Variants in MFSD1 observed in about 807,000 individuals in gnomAD.
MFSD1 encodes the protein major facilitator superfamily domain containing 1.
In MFSD1, 59 loss-of-function variants were observed where a neutral mutation model predicts 67.1. That is an observed-to-expected ratio of 0.88 (90% CI 0.71 to 1.09). The LOEUF is 1.09. Among genes scored for constraint, MFSD1 ranks in the 50% least tolerant of loss-of-function variants. The pLI, the probability that MFSD1 is intolerant of heterozygous loss-of-function variation, is 0.00. For synonymous variants in MFSD1, 213 were observed against 200.3 expected (o/e 1.06, Z -0.54); for missense variants, 552 against 566.1 (o/e 0.97, Z 0.25).
intron 7 of MFSD1, among the ~76,000 whole-genome samples, chr3:158,816,110 A>G (rs1208607351): frequency 1.3e-5 from 2 of 151,958 alleles, no homozygotes; most frequent in East Asian, 3.9e-4. Context: ...GCCGCAATAA[A>G]CATACATGTG....
chr3:158,815,076 C>CT (rs1011152164), intron 7 of MFSD1, among the ~76,000 whole-genome samples: 3 of 152,180 alleles, frequency 2.0e-5, no homozygotes, highest in African/African-American at 7.2e-5. Context: ...GAGCAAAACT[C>CT]TGTCTCAAAA....
At chr3:158,821,062 C>T (rs1730643899) in intron 9 of MFSD1, among the ~76,000 whole-genome samples, 1 of 152,174 alleles carries the variant, frequency 6.6e-6, no homozygotes, top group Admixed American at 6.5e-5. Context: ...GGAACATCTC[C>T]ATTGATTAGG....
chr3:158,812,277 G>A (rs1576902839), intron 6 of MFSD1, among the ~76,000 whole-genome samples: 1 of 152,088 alleles, frequency 6.6e-6, no homozygotes, highest in South Asian at 2.1e-4. Flanking sequence ...CAAGAGAAGC[G>A]CAAAAAAGAC....
Position 158,828,970 on chromosome 3 carries a change from G to A in MFSD1, c.1395-9G>A. The A allele has an allele frequency of 6.2e-7, 1 of 1,602,630 alleles. No individual in the cohort carries two copies. Among genetic ancestry groups the A allele is most frequent in the Non-Finnish European group, 8.5e-7 (1 of 1,174,734 alleles). On this transcript the variant is annotated splice_polypyrimidine_tract_variant and intron_variant, in intron 15 of 15. Transcript: ENST00000415822. ...CCTCTTTGGTAATTTATTGCGTTAT[G>A]TTTTGCAGATGAGAAGTTAAAATGA...
intron 3 of MFSD1, 98 bp from the exon 4 acceptor site, chr3:158,806,942 C>A: frequency 2.0e-6 from 2 of 1,022,152 alleles, no homozygotes; most frequent in Non-Finnish European, 2.9e-6. Context: ...TGAATTATTA[C>A]TAAAGGACTT....
chr3:158,826,162 G>A, intron 14 of MFSD1, 100 bp downstream of exon 14: 1 of 833,212 alleles, frequency 1.2e-6, no homozygotes, highest in South Asian at 1.5e-5. Flanking sequence ...ATTCCATGCA[G>A]TAATGACTTT....
At chr3:158,820,551 C>G (rs1730618218) in intron 9 of MFSD1, among the ~76,000 whole-genome samples, 2 of 152,152 alleles carry the variant, frequency 1.3e-5, no homozygotes, top group Admixed American at 1.3e-4. Context: ...TTACTCCACT[C>G]TCATGCTGCT....
rs1729486687 is a variant in MFSD1, at chr3:158,802,229, C to T, written c.77C>T (p.Ala26Val). The change falls in exon 1 of 16, where the codon GCC (alanine) becomes GTC (valine). Residue 26 changes from alanine (A) to valine (V), a missense_variant. Physicochemically the swap from Ala to Val is moderately conservative, Grantham distance 64. Transcript: ENST00000415822. ...PDEADRGAPAAPGALPALCDP... is the reference protein window; with the variant it reads ...PDEADRGAPAVPGALPALCDP... ...GAGGCCGACAGAGGTGCCCCGGCCG[C>T]CCCTGGAGCCCTGCCGGCCCTCTGC... The T allele has an allele frequency of 6.2e-7, 1 of 1,610,710 alleles. No individual in the cohort carries two copies. The highest frequency in any genetic ancestry group is 1.3e-5 in the African/African-American group (1 of 74,862).
At chr3:158,810,695 C>T (rs193170571) in intron 6 of MFSD1, among the ~76,000 whole-genome samples, 2 of 152,300 alleles carry the variant, frequency 1.3e-5, no homozygotes, top group African/African-American at 4.8e-5. Flanking sequence ...ATTCCAGAGA[C>T]GTTTACATCC....
intron 6 of MFSD1, among the ~76,000 whole-genome samples, chr3:158,813,152 CTT>C (rs899632957): frequency 3.9e-5 from 5 of 129,546 alleles, no homozygotes. Context: ...ATGCTTTCTT[CTT>C]TTTTTTTTTT....
intron 11 of MFSD1, chr3:158,822,592 A>T (rs943137037): frequency 1.3e-5 from 2 of 153,816 alleles, no homozygotes; most frequent in African/African-American, 4.8e-5. Context: ...TCAAAACATC[A>T]TTTTTAAGAC....
At chr3:158,811,648 C>T (rs1252899253) in intron 6 of MFSD1, among the ~76,000 whole-genome samples, 2 of 152,116 alleles carry the variant, frequency 1.3e-5, no homozygotes, top group African/African-American at 4.8e-5. Flanking sequence ...TATCCTGAAA[C>T]CCAAGAAAAG....
At chr3:158,809,890 C>T (rs942311415) in intron 6 of MFSD1, among the ~76,000 whole-genome samples, 1 of 152,198 alleles carries the variant, frequency 6.6e-6, no homozygotes, top group Admixed American at 6.5e-5. Flanking sequence ...TCTCAGCTCC[C>T]TTACCATGGT....
At chr3:158,825,760 G>A (rs932177646) in intron 13 of MFSD1, among the ~76,000 whole-genome samples, 3 of 152,154 alleles carry the variant, frequency 2.0e-5, no homozygotes, top group African/African-American at 7.2e-5. Context: ...GGCTGGGTCG[G>A]CTCCCTTTTT....
chr3:158,804,263 C>A, intron 1 of MFSD1, 56 bp from the exon 2 acceptor site: 1 of 1,346,390 alleles, frequency 7.4e-7, no homozygotes, highest in Non-Finnish European at 1.0e-6. Context: ...GCAACTGCAA[C>A]TTGAAACTTT....
rs78456658 is a variant in MFSD1, at chr3:158,828,989, A to G, written c.*7A>G. ...CGTTATGTTTTGCAGATGAGAAGTT[A>G]AAATGAATGTGTCATGAGAATGGGC... On this transcript the variant is annotated 3_prime_UTR_variant, in exon 16 of 16. Coordinates refer to ENST00000415822, the MANE Select transcript of MFSD1 (RefSeq NM_022736.4). 2.6e-5 allele frequency: 42 copies of G among 1,604,546 alleles called. No individual in the cohort carries two copies. The highest frequency in any genetic ancestry group is 3.4e-5 in the Non-Finnish European group (40 of 1,175,704).
chr3:158,807,778 A>G (rs1487975573), intron 5 of MFSD1, among the ~76,000 whole-genome samples: 3 of 152,226 alleles, frequency 2.0e-5, no homozygotes, highest in Non-Finnish European at 4.4e-5. Flanking sequence ...AGTATAGACC[A>G]TCGATTTCTA....
intron 7 of MFSD1, among the ~76,000 whole-genome samples, chr3:158,814,764 A>T (rs1183592694): frequency 6.6e-6 from 1 of 152,146 alleles, no homozygotes; most frequent in Non-Finnish European, 1.5e-5. Flanking sequence ...CAACCTGAGA[A>T]TTTATTCAGG....
chr3:158,813,869 A>T, intron 6 of MFSD1, 96 bp from the exon 7 acceptor site: 1 of 676,340 alleles, frequency 1.5e-6, no homozygotes, highest in Non-Finnish European at 2.3e-6. Flanking sequence ...TTCAATTTGG[A>T]TCCTACTTCT....
Sources: allele counts gnomAD v4.1 joint callset (sites outside exome capture counted in the v4.1 genomes callset), GRCh38; gene constraint gnomAD v4.1.1; transcripts MANE v1.5; gene names NCBI Gene and HGNC (gene_info 2026-07-23, HGNC 2026-07-21).